STK35: variants seen among roughly 807,000 people sequenced by gnomAD.
The protein encoded by STK35 is serine/threonine-protein kinase 35.
Under a neutral mutation model 37.3 loss-of-function variants are expected in STK35, and 17 were observed. The observed-to-expected ratio is 0.46, with a 90% CI of 0.31 to 0.68. The LOEUF (loss-of-function observed/expected upper bound fraction) is 0.68. STK35 is among the 30% of genes least tolerant of loss of function. STK35 has a pLI of 0.05. For synonymous variants in STK35, 385 were observed against 319.1 expected, an observed-to-expected ratio of 1.21 and a Z score of -2.20; for missense variants, 595 against 746.7, an observed-to-expected ratio of 0.80 and a Z score of 2.37.
chr20:2,118,719 T>C (rs901791166), intron 3 of STK35, among the ~76,000 whole-genome samples: 1 of 152,286 alleles, frequency 6.6e-6, no homozygotes, highest in African/African-American at 2.4e-5. Flanking sequence ...AAATTCCTAT[T>C]ACCTAGTGAT....
chr20:2,134,942 CT>C (rs1181681499), intron 3 of STK35, among the ~76,000 whole-genome samples: 2 of 152,144 alleles, frequency 1.3e-5, no homozygotes, highest in African/African-American at 4.8e-5. Flanking sequence ...CTTCCCAGCC[CT>C]AAGGGGCTTT....
intron 2 of STK35, among the ~76,000 whole-genome samples, chr20:2,106,060 T>A (rs1183037455): frequency 6.6e-6 from 1 of 152,230 alleles, no homozygotes; most frequent in Non-Finnish European, 1.5e-5. Flanking sequence ...ACATTCAAGC[T>A]GACTTGCAAT....
chr20:2,135,223 G>A (rs964396175), intron 3 of STK35, among the ~76,000 whole-genome samples: 3 of 152,190 alleles, frequency 2.0e-5, no homozygotes, highest in Non-Finnish European at 4.4e-5. Context: ...TAGCCTGGGC[G>A]ACAGTCTGTC....
In STK35 at chr20:2,143,958, C is replaced by CT. The variant is rs10713601; in HGVS notation, c.*224dup. 6,475 of 168,458 alleles carry CT rather than the reference C, an allele frequency of 0.038. No individual in the cohort carries two copies. Among genetic ancestry groups the CT allele is most frequent in the Non-Finnish European group, 0.049 (4,614 of 93,254 alleles). 10.4% of individuals were successfully genotyped at this position (168,458 alleles called of 1,614,324 possible). A position where few individuals can be genotyped will look rare whatever the true frequency, so the allele number is the denominator to read the frequency against. On this transcript the variant is annotated 3_prime_UTR_variant, in exon 4 of 4. Coordinates refer to ENST00000381482, the MANE Select transcript of STK35 (RefSeq NM_080836.4). ...TGCTTTATTTTTTTCCTTTTCTTTT[C>CT]TTTTTTTTTTTTCCTCTTTCCTTTT... is the stretch of plus-strand genomic sequence containing the variant.
In STK35 at chr20:2,139,194, A is replaced by T. The variant is rs191313744; in HGVS notation, c.*38-4590A>T. 8.4e-4 allele frequency among the ~76,000 whole-genome samples: 128 copies of T among 152,270 alleles called. 1 individual carries two copies. The highest frequency in any genetic ancestry group is 2.9e-3 in the African/African-American group (119 of 41,556). ...TGTCTCCAGCCCCATCCTGCTGTGC[A>T]TGTTCCCCTCATATCTCCCAGGCTT... On this transcript the variant is annotated intron_variant, in intron 3 of 3. Transcript: ENST00000381482.
rs759527238 is a variant in STK35, at chr20:2,102,193, G to A, written c.294+18G>A. On this transcript the variant is annotated intron_variant, in intron 1 of 3. Transcript: ENST00000381482. ...CGGGCCAGGTAAGGGCGCCGTTGGA[G>A]GACTGAAGGCCAGCGCCGAGGCTGG... 11 of 1,370,964 alleles carry A rather than the reference G, an allele frequency of 8.0e-6. No homozygotes were observed. Among genetic ancestry groups the A allele is most frequent in the Non-Finnish European group, 1.0e-5 (11 of 1,063,440 alleles). 84.9% of individuals were successfully genotyped at this position (1,370,964 alleles called of 1,614,324 possible).
intron 3 of STK35, among the ~76,000 whole-genome samples, chr20:2,126,619 G>A (rs146733195): frequency 0.013 from 1,960 of 152,286 alleles, 33 homozygotes; most frequent in African/African-American, 0.042. Flanking sequence ...CCGCATTCGT[G>A]CTCCCAGCCC....
chr20:2,128,517 G>A (rs1309950270), intron 3 of STK35, among the ~76,000 whole-genome samples: 1 of 152,124 alleles, frequency 6.6e-6, no homozygotes, highest in Non-Finnish European at 1.5e-5. Context: ...GGGACCCTGG[G>A]ACAACTGACT....
In STK35 at chr20:2,144,024, A is replaced by G. The variant is rs1005647327; in HGVS notation, c.*278A>G. On this transcript the variant is annotated 3_prime_UTR_variant, in exon 4 of 4. Coordinates refer to ENST00000381482, the MANE Select transcript of STK35 (RefSeq NM_080836.4). ...TTGAGACTTCAGAAGAGCAGGACAC[A>G]ATGCTGTGGACAGGCACCAATTTCT... 2.6e-6 allele frequency: 1 copy of G among 380,782 alleles called. No homozygotes were observed. The highest frequency in any genetic ancestry group is 5.0e-6 in the Non-Finnish European group (1 of 200,198). The allele number at this position is 380,782 out of a possible 1,614,324, so 23.6% of individuals were successfully genotyped here. A position where few individuals can be genotyped will look rare whatever the true frequency, so the allele number is the denominator to read the frequency against.
At chr20:2,141,386 G>T (rs920414828) in intron 3 of STK35, among the ~76,000 whole-genome samples, 3 of 152,096 alleles carry the variant, frequency 2.0e-5, no homozygotes, top group African/African-American at 7.2e-5. Flanking sequence ...TTCCAGATCA[G>T]CCACACCCAC....
At chr20:2,137,129 G>C (rs1986100550) in intron 3 of STK35, among the ~76,000 whole-genome samples, 1 of 152,184 alleles carries the variant, frequency 6.6e-6, no homozygotes, top group Non-Finnish European at 1.5e-5. Flanking sequence ...TTGGTTTTGT[G>C]TTTTTTTGGA....
intron 2 of STK35, among the ~76,000 whole-genome samples, chr20:2,103,608 A>G (rs1459403380): frequency 6.6e-6 from 1 of 152,202 alleles, no homozygotes; most frequent in Non-Finnish European, 1.5e-5. Context: ...AGTGCTAACC[A>G]TTAACTTAAT....
At chr20:2,134,435 C>T (rs934849169) in intron 3 of STK35, among the ~76,000 whole-genome samples, 3 of 152,164 alleles carry the variant, frequency 2.0e-5, no homozygotes, top group Non-Finnish European at 2.9e-5. Context: ...ACAAGTTGTA[C>T]GTCTCACCTG....
intron 3 of STK35, among the ~76,000 whole-genome samples, chr20:2,122,010 G>A (rs1985827014): frequency 6.6e-6 from 1 of 152,158 alleles, no homozygotes; most frequent in South Asian, 2.1e-4. Context: ...TTTGTTTTGG[G>A]TTATATCTGT....
intron 3 of STK35, among the ~76,000 whole-genome samples, chr20:2,137,686 T>A (rs1986109167): frequency 6.6e-6 from 1 of 152,164 alleles, no homozygotes; most frequent in Non-Finnish European, 1.5e-5. Flanking sequence ...TGCCCTACTT[T>A]AAGCACCACA....
At chr20:2,112,390 C>G (rs760622964) in intron 2 of STK35, among the ~76,000 whole-genome samples, 6 of 152,194 alleles carry the variant, frequency 3.9e-5, no homozygotes, top group Non-Finnish European at 7.3e-5. Context: ...TCCCTGTGGA[C>G]TGTGGCATAG....
intron 3 of STK35, among the ~76,000 whole-genome samples, chr20:2,134,897 GA>G (rs1986060118): frequency 6.6e-6 from 1 of 151,348 alleles, no homozygotes; most frequent in Non-Finnish European, 1.5e-5. Context: ...TGTCAAAAAA[GA>G]AAAGAAAAAA....
chr20:2,113,866 CA>C lies in STK35; in HGVS notation c.893-2795del, dbSNP rs1343040949. 2.6e-5 allele frequency among the ~76,000 whole-genome samples: 4 copies of C among 152,212 alleles called. 1 individual carries two copies. In the East Asian group the frequency reaches 7.7e-4, roughly 29 times the overall value. ...TTGATAGATGTGAAGACTGAGGTAC[CA>C]AAAAGACTGAGGCTCAGAGAGCTTC... On this transcript the variant is annotated intron_variant, in intron 2 of 3. Coordinates refer to ENST00000381482, the MANE Select transcript of STK35 (RefSeq NM_080836.4).
intron 3 of STK35, among the ~76,000 whole-genome samples, chr20:2,141,130 C>T (rs920465127): frequency 2.2e-4 from 33 of 152,302 alleles, no homozygotes; most frequent in African/African-American, 7.7e-4. Context: ...TACCCTCTTC[C>T]CCCATCTTCA....
Sources: gnomAD v4.1 joint callset for allele counts (sites outside exome capture counted in the v4.1 genomes callset) on GRCh38, gnomAD v4.1.1 for gene constraint, MANE v1.5 for transcripts, NCBI Gene and HGNC (gene_info 2026-07-23, HGNC 2026-07-21) for gene names.